The following CYB5R2 variants were observed in gnomAD, a reference collection of about 807,000 sequenced individuals.
CYB5R2 encodes the protein cytochrome b5 reductase 2.
A neutral mutation model predicts 29.8 loss-of-function variants in CYB5R2; 35 were observed. The ratio of observed to expected loss-of-function variants is 1.17; its 90% CI spans 0.90 to 1.56. CYB5R2 has a LOEUF of 1.56. Among genes scored for constraint, CYB5R2 ranks in the 40% most tolerant of loss-of-function variants. The pLI is 0.00. For synonymous variants in CYB5R2, 169 were observed against 130.6 expected (o/e 1.29, Z -2.01); for missense variants, 419 against 346.7 (o/e 1.21, Z -1.66).
At chr11:7,673,211 C>A in intron 1 of CYB5R2, 1 of 416,974 alleles carries the variant, frequency 2.4e-6, no homozygotes, top group Non-Finnish European at 3.9e-6. Context: ...GAAGTCCCTT[C>A]CTTGAGGTGA....
At chr11:7,672,303 CCTAT>C (rs1225777346) in intron 3 of CYB5R2, 144 bp downstream of exon 3, 2 of 643,716 alleles carry the variant, frequency 3.1e-6, no homozygotes, top group Non-Finnish European at 2.7e-6. Flanking sequence ...CATCCATCCC[CCTAT>C]CTATCTCCCT....
At chr11:7,667,896 C>T (rs1377293598) in intron 6 of CYB5R2, 83 bp from the exon 7 acceptor site, 1 of 1,082,972 alleles carries the variant, frequency 9.2e-7, no homozygotes, top group African/African-American at 1.6e-5. Context: ...TTCATACCTT[C>T]CCCCAGCCCA....
At chr11:7,671,075 G>C (rs1297782819) in intron 3 of CYB5R2, 1 of 152,370 alleles carries the variant, frequency 6.6e-6, no homozygotes, top group Non-Finnish European at 1.5e-5. Context: ...TCAAGGGGAT[G>C]AGCCAAGTCT....
In CYB5R2 at chr11:7,668,707, C is replaced by A; in HGVS notation, c.389-146G>T. 5 of 716,494 alleles carry A rather than the reference C, an allele frequency of 7.0e-6. No individual in the cohort carries two copies. The South Asian group carries it at 7.7e-5, about 11-fold the overall frequency. 44.4% of individuals were successfully genotyped at this position (716,494 alleles called of 1,614,324 possible). The stretch of plus-strand genomic sequence containing the variant: ...TTTAAGCTGGAGAAGCAGGCCAGGG[C>A]AGTCTCCTCAGCTAGCCCTGGTGCT... On this transcript the variant is annotated intron_variant, in intron 5 of 8. Transcript: ENST00000299498.
intron 3 of CYB5R2, chr11:7,672,167 A>G (rs1462667544): frequency 2.5e-6 from 1 of 404,408 alleles, no homozygotes; most frequent in African/African-American, 2.0e-5. Context: ...TAAGTTCCCC[A>G]GCAAGGAGCC....
In CYB5R2 at chr11:7,667,744, AG is replaced by A; in HGVS notation, c.541del (p.Leu181SerfsTer52). 1 of 1,614,112 alleles carries A rather than the reference AG, an allele frequency of 6.2e-7. No individual in the cohort carries two copies. Among genetic ancestry groups the A allele is most frequent in the Non-Finnish European group, 8.5e-7 (1 of 1,179,956 alleles). On this transcript the variant is annotated frameshift_variant, in exon 7 of 9. Coordinates refer to ENST00000299498, the MANE Select transcript of CYB5R2 (RefSeq NM_016229.5). LOFTEE classifies it high-confidence loss of function. ...GGAACTGACCTGGTTGGCAAAGATGAGGGACATCCTGGTCCTGTCACTGGGG... is the reference window on the plus strand; with the variant it reads ...GGAACTGACCTGGTTGGCAAAGATGAGGACATCCTGGTCCTGTCACTGGGG... ...KDPSDRTRMS[L>X]IFANQTEEDI... is the part of the protein sequence containing the mutation.
At chr11:7,673,970 C>T, upstream of CYB5R2, 1 of 1,047,406 alleles carries the variant, frequency 9.5e-7, no homozygotes, top group Non-Finnish European at 1.2e-6. Flanking sequence ...GGCTCTGGGT[C>T]AGCCCTGCCC....
Position 7,667,712 on chromosome 11 carries a change from C to A in CYB5R2, c.558+16G>T. 6.2e-7 allele frequency: 1 copy of A among 1,605,124 alleles called. No individual in the cohort carries two copies. The highest frequency in any genetic ancestry group is 8.5e-7 in the Non-Finnish European group (1 of 1,171,792). ...AAACATTCCATCCTACCACTGCAAGCTCAGCAGGAACTGACCTGGTTGGCA... is the reference window on the plus strand; with the variant it reads ...AAACATTCCATCCTACCACTGCAAGATCAGCAGGAACTGACCTGGTTGGCA... On this transcript the variant is annotated intron_variant, in intron 7 of 8. Coordinates refer to ENST00000299498, the MANE Select transcript of CYB5R2 (RefSeq NM_016229.5).
rs185210779 is a variant in CYB5R2 at position 7,672,843 on chromosome 11, C to G, written c.-18G>C. The stretch of plus-strand genomic sequence containing the variant: ...GAGTTCATGCTCTTCAGGACCAACA[C>G]GAGCACAGTGACCCCAGTGACGGTG... On this transcript the variant is annotated 5_prime_UTR_variant, in exon 2 of 9. Transcript: ENST00000299498. 4.2e-5 allele frequency: 68 copies of G among 1,614,126 alleles called. 1 individual carries two copies. The Admixed American group carries it at 1.0e-3, about 25-fold the overall frequency.
intron 8 of CYB5R2, 194 bp from the exon 9 acceptor site, chr11:7,665,740 C>G (rs1303830195): frequency 7.9e-7 from 1 of 1,272,784 alleles, no homozygotes; most frequent in African/African-American, 1.5e-5. Flanking sequence ...CACCCCAGGT[C>G]CCAGGCTCAC....
rs1255178806 is a variant in CYB5R2 at position 7,665,777 on chromosome 11, G to T, written c.659-231C>A. 6 of 1,449,688 alleles carry T rather than the reference G, an allele frequency of 4.1e-6. No homozygotes were observed. In the African/African-American group the frequency reaches 5.6e-5, roughly 14 times the overall value. The allele number at this position is 1,449,688 out of a possible 1,614,324, so 89.8% of individuals were successfully genotyped here. A position where few individuals can be genotyped will look rare whatever the true frequency, so the allele number is the denominator to read the frequency against. The stretch of plus-strand genomic sequence containing the variant: ...GCAGGGACCCTGAAGCCCTGCTGCT[G>T]TCTGTCAGCTGTCAGCATTGACGAG... On this transcript the variant is annotated intron_variant, in intron 8 of 8. Coordinates refer to ENST00000299498, the MANE Select transcript of CYB5R2 (RefSeq NM_016229.5).
chr11:7,670,902 C>G (rs895528504), intron 3 of CYB5R2: 3 of 150,938 alleles, frequency 2.0e-5, no homozygotes, highest in African/African-American at 7.3e-5. Flanking sequence ...TTTCTACTCG[C>G]TCAGAAACTG....
Position 7,665,470 on chromosome 11 carries a change from G to C in CYB5R2, c.735C>G (p.Leu245=). 6.2e-7 allele frequency: 1 copy of C among 1,613,972 alleles called. No individual in the cohort carries two copies. Among genetic ancestry groups the C allele is most frequent in the South Asian group, 1.1e-5 (1 of 91,016 alleles). The part of the protein sequence containing the change: ...EHLPPPAKST[L]ILVCGPPPLI... ...GTGGTGGCGGGCCACACACCAGGATGAGCGTGGACTTCGCTGGAGGAGGAA... is the reference window on the plus strand; with the variant it reads ...GTGGTGGCGGGCCACACACCAGGATCAGCGTGGACTTCGCTGGAGGAGGAA... The change falls in exon 9 of 9, where the codon CTC becomes CTG. Residue 245 remains leucine, a synonymous_variant. Transcript: ENST00000299498.
chr11:7,665,791 A>G, intron 8 of CYB5R2: 7 of 1,483,946 alleles, frequency 4.7e-6, no homozygotes, highest in African/African-American at 1.4e-5. Context: ...GTCAGCTGTC[A>G]GCATTGACGA....
intron 8 of CYB5R2, chr11:7,665,932 C>CAAG: frequency 6.5e-7 from 1 of 1,535,826 alleles, no homozygotes; most frequent in Non-Finnish European, 8.7e-7. Context: ...CCTCTGCCGA[C>CAAG]CAGGGACCTG....
At chr11:7,673,045 G>T (rs543099830) in intron 1 of CYB5R2, 154 bp from the exon 2 acceptor site, 2 of 717,422 alleles carry the variant, frequency 2.8e-6, no homozygotes, top group African/African-American at 3.5e-5. Context: ...CACAGAAGGC[G>T]GCTGGGAGAG....
At chr11:7,668,756 G>T (rs1025770686) in intron 5 of CYB5R2, 195 bp from the exon 6 acceptor site, 1 of 622,454 alleles carries the variant, frequency 1.6e-6, no homozygotes, top group South Asian at 1.9e-5. Context: ...TGGGAATAGA[G>T]CCTGGGCTTG....
chr11:7,667,880 G>A (rs1446750327), intron 6 of CYB5R2, 67 bp from the exon 7 acceptor site: 11 of 1,310,886 alleles, frequency 8.4e-6, no homozygotes, highest in African/African-American at 1.5e-5. Flanking sequence ...CTGACCTGCA[G>A]CAAGCTTCAT....
intron 3 of CYB5R2, 141 bp downstream of exon 3, chr11:7,672,310 A>C (rs1855794962): frequency 1.5e-6 from 1 of 668,356 alleles, no homozygotes; most frequent in African/African-American, 1.8e-5. Flanking sequence ...CCCCCTATCT[A>C]TCTCCCTGAG....
Sources: gnomAD v4.1 joint callset for allele counts on GRCh38, gnomAD v4.1.1 for gene constraint, MANE v1.5 for transcripts, NCBI Gene and HGNC (gene_info 2026-07-23, HGNC 2026-07-21) for gene names.